The following COPS3 variants were observed in gnomAD, a reference collection of about 807,000 sequenced individuals.
COPS3 encodes COP9 signalosome subunit 3, also known as COP9 signalosome complex subunit 3.
In COPS3, 10 loss-of-function variants were observed where a neutral mutation model predicts 58.2. The ratio of observed to expected loss-of-function variants is 0.17; its 90% confidence interval spans 0.11 to 0.29. The LOEUF is 0.29. Among genes scored for constraint, COPS3 ranks in the 10% least tolerant of loss-of-function variants. The pLI is 1.00. For missense variants in COPS3, 333 were observed against 510.1 expected, an observed-to-expected ratio of 0.65 and a Z score of 3.34; for synonymous variants, 187 against 181.7, an observed-to-expected ratio of 1.03 and a Z score of -0.24.
intron 8 of COPS3, among the ~76,000 whole-genome samples, chr17:17,257,634 A>G (rs934323438): frequency 6.0e-5 from 9 of 151,186 alleles, no homozygotes; most frequent in Non-Finnish European, 1.0e-4. Flanking sequence ...CGTCTCTACT[A>G]AAAATACAAA....
At chr17:17,253,276 G>T (rs1597662128) in intron 9 of COPS3, among the ~76,000 whole-genome samples, 1 of 152,060 alleles carries the variant, frequency 6.6e-6, no homozygotes, top group African/African-American at 2.4e-5. Context: ...ATCATACAAG[G>T]GGTCATATGA....
intron 5 of COPS3, among the ~76,000 whole-genome samples, chr17:17,267,058 C>T (rs959111224): frequency 6.6e-5 from 10 of 151,280 alleles, no homozygotes; most frequent in Non-Finnish European, 1.2e-4. Context: ...AAGTTACAGG[C>T]CGGGCACAGT....
At chr17:17,262,201 A>G (rs530598997) in intron 6 of COPS3, 95 bp from the exon 7 acceptor site, 2 of 1,148,384 alleles carry the variant, frequency 1.7e-6, no homozygotes, top group South Asian at 1.5e-5. Flanking sequence ...AGTCAATAAT[A>G]CTTTTTAAAT....
At chr17:17,257,234 T>C (rs2047995407) in intron 8 of COPS3, among the ~76,000 whole-genome samples, 1 of 151,140 alleles carries the variant, frequency 6.6e-6, no homozygotes, top group Non-Finnish European at 1.5e-5. Context: ...TGTGGTGGTG[T>C]GCACCTGTAG....
intron 2 of COPS3, among the ~76,000 whole-genome samples, chr17:17,275,047 C>T (rs1215006662): frequency 6.6e-6 from 1 of 151,972 alleles, no homozygotes; most frequent in East Asian, 1.9e-4. Flanking sequence ...ATAGCTCTCA[C>T]TCTTGGCCCC....
rs554050559 is a variant in COPS3, at chr17:17,264,959, A to C, written c.464T>G (p.Phe155Cys). Residue 155 changes from phenylalanine to cysteine, a missense_variant, in exon 6 of 12, where the codon TTT becomes TGT. Physicochemically the swap from Phe to Cys is radical, Grantham distance 205. Coordinates refer to ENST00000268717, the MANE Select transcript of COPS3 (RefSeq NM_003653.4). ...GTCAAGATATGGAAGGGCAGGCTTAAAGCATTTTGCTAGCAAACAAAGCTG... is the reference window on the plus strand; with the variant it reads ...GTCAAGATATGGAAGGGCAGGCTTACAGCATTTTGCTAGCAAACAAAGCTG... ...LCQLCLLAKC[F>C]KPALPYLDVD... 1.2e-6 allele frequency: 2 copies of C among 1,612,326 alleles called. No individual in the cohort carries two copies. Among genetic ancestry groups the C allele is most frequent in the Non-Finnish European group, 1.7e-6 (2 of 1,179,718 alleles).
At chr17:17,258,016 G>A (rs746549727) in intron 8 of COPS3, among the ~76,000 whole-genome samples, 6 of 151,968 alleles carry the variant, frequency 3.9e-5, no homozygotes, top group Non-Finnish European at 5.9e-5. Flanking sequence ...ATGTTTCCCC[G>A]TTCTTTTCAT....
Position 17,276,088 on chromosome 17 carries a change from A to G in COPS3, c.132T>C (p.Thr44=). Residue 44 remains threonine, a synonymous_variant, in exon 2 of 12, where the codon ACT becomes ACC. Coordinates refer to ENST00000268717, the MANE Select transcript of COPS3 (RefSeq NM_003653.4). The part of the protein sequence containing the change: ...LLAKNLSHLD[T]VLGALDVQEH... ...CTTGTACATCCAGAGCCCCGAGCAC[A>G]GTGTCCAGATGGGATAAGTTCTTCG... 3 of 1,614,206 alleles carry G rather than the reference A, an allele frequency of 1.9e-6. No individual in the cohort carries two copies. The highest frequency in any genetic ancestry group is 2.2e-5 in the South Asian group (2 of 91,090).
intron 2 of COPS3, 67 bp downstream of exon 2, chr17:17,275,968 T>C: frequency 7.2e-7 from 1 of 1,397,174 alleles, no homozygotes; most frequent in Non-Finnish European, 9.6e-7. Flanking sequence ...TAAATAAAAA[T>C]AAAGCCAGGA....
At chr17:17,249,193 A>G (rs1020304761) in intron 9 of COPS3, among the ~76,000 whole-genome samples, 154 bp from the exon 10 acceptor site, 1 of 152,236 alleles carries the variant, frequency 6.6e-6, no homozygotes, top group Non-Finnish European at 1.5e-5. Context: ...CCAAGTATTT[A>G]TTAAATACCT....
In COPS3 at chr17:17,249,044, A is replaced by G; in HGVS notation, c.1024-5T>C. ...AAAAATCTCACCATCTTCTATCTGCAGAAAGAAAAAAAAAAAAATCAGGAA... is the reference window on the plus strand; with the variant it reads ...AAAAATCTCACCATCTTCTATCTGCGGAAAGAAAAAAAAAAAAATCAGGAA... On this transcript the variant is annotated splice_polypyrimidine_tract_variant and splice_region_variant and intron_variant, in intron 9 of 11. Transcript: ENST00000268717. 1 of 1,535,968 alleles carries G rather than the reference A, an allele frequency of 6.5e-7. No individual in the cohort carries two copies. Among genetic ancestry groups the G allele is most frequent in the Non-Finnish European group, 8.9e-7 (1 of 1,127,474 alleles).
chr17:17,256,530 T>C (rs1251971653), intron 8 of COPS3, among the ~76,000 whole-genome samples: 1 of 152,156 alleles, frequency 6.6e-6, no homozygotes, highest in Non-Finnish European at 1.5e-5. Flanking sequence ...AGAGCTCTAT[T>C]CTTAATGGCA....
chr17:17,279,466 A>G (rs181721683), intron 1 of COPS3, among the ~76,000 whole-genome samples: 2 of 152,338 alleles, frequency 1.3e-5, no homozygotes, highest in East Asian at 3.9e-4. Context: ...TGGTTCCTTT[A>G]TTCATAGAAA....
At chr17:17,247,613 A>G in intron 10 of COPS3, 53 bp from the exon 11 acceptor site, 1 of 1,552,674 alleles carries the variant, frequency 6.4e-7, no homozygotes, top group Non-Finnish European at 8.9e-7. Flanking sequence ...GGTCAGCTGC[A>G]TCCTTTCTAA....
At chr17:17,259,874 A>G (rs1185825916) in intron 8 of COPS3, among the ~76,000 whole-genome samples, 1 of 150,264 alleles carries the variant, frequency 6.7e-6, no homozygotes, top group Non-Finnish European at 1.5e-5. Context: ...AGCCTGGGCA[A>G]CAGAGCAAGG....
chr17:17,248,998 G>A lies in COPS3; in HGVS notation c.1065C>T (p.Asp355=), dbSNP rs776324980. The A allele has an allele frequency of 1.6e-5, 25 of 1,608,000 alleles. 1 individual carries two copies. Among genetic ancestry groups the A allele is most frequent in the Middle Eastern group, 3.3e-4 (2 of 6,060 alleles). The change falls in exon 10 of 12, where the codon GAC becomes GAT. Residue 355 remains aspartate, a synonymous_variant. Coordinates refer to ENST00000268717, the MANE Select transcript of COPS3 (RefSeq NM_003653.4). Reference sequence around the variant, plus strand: ...GGTTATCATGGAAACTGACCATACCGTCCTTCTGGTTAATACTTGCAAAAA... The same window carrying A: ...GGTTATCATGGAAACTGACCATACCATCCTTCTGGTTAATACTTGCAAAAA... ...GEIFASINQK[D]GMVSFHDNPE...
At position 17,264,808 on chromosome 17, in the gene COPS3, A is replaced by G; in HGVS notation, c.615T>C (p.Tyr205=). Residue 205 remains tyrosine, a synonymous_variant, in exon 6 of 12, where the codon TAT becomes TAC. Transcript: ENST00000268717. ...LKNFERALYF[Y]EQAITTPAMA... The stretch of plus-strand genomic sequence containing the variant: ...TAATTTTTAGAGAGATTACCTGTTC[A>G]TAAAAGTAGAGAGCTCTTTCAAAGT... 6.2e-7 allele frequency: 1 copy of G among 1,601,824 alleles called. No individual in the cohort carries two copies. Among genetic ancestry groups the G allele is most frequent in the Non-Finnish European group, 8.5e-7 (1 of 1,176,694 alleles).
At chr17:17,267,863 A>C in intron 5 of COPS3, 22 bp downstream of exon 5, 2 of 1,611,758 alleles carry the variant, frequency 1.2e-6, no homozygotes, top group Non-Finnish European at 1.7e-6. Flanking sequence ...CTTGGTGTGA[A>C]TCACACACTT....
At chr17:17,262,602 C>T (rs947403543) in intron 6 of COPS3, among the ~76,000 whole-genome samples, 6 of 151,770 alleles carry the variant, frequency 4.0e-5, no homozygotes, top group Non-Finnish European at 5.9e-5. Flanking sequence ...TGGTGGTGGG[C>T]GCCTGTAGTC....
Sources: allele counts gnomAD v4.1 joint callset (sites outside exome capture counted in the v4.1 genomes callset), GRCh38; gene constraint gnomAD v4.1.1; transcripts MANE v1.5; gene names NCBI Gene and HGNC (gene_info 2026-07-23, HGNC 2026-07-21).